ATP6V1B2: variants seen among roughly 807,000 people sequenced by gnomAD.
ATP6V1B2 encodes the protein V-type proton ATPase subunit B, brain isoform.
In ATP6V1B2, 23 loss-of-function variants were observed where a neutral mutation model predicts 66.7. That is an observed-to-expected ratio of 0.34 (90% CI 0.25 to 0.49). The LOEUF is 0.49. Ranked by LOEUF, ATP6V1B2 falls within the 20% of genes least tolerant of loss-of-function variation. The pLI is 0.99. For synonymous variants in ATP6V1B2, 278 were observed against 236.7 expected, an observed-to-expected ratio of 1.17 and a Z score of -1.60; for missense variants, 478 against 650.8, an observed-to-expected ratio of 0.73 and a Z score of 2.89.
intron 2 of ATP6V1B2, among the ~76,000 whole-genome samples, chr8:20,205,525 A>C (rs2072730013): frequency 6.6e-6 from 1 of 152,188 alleles, no homozygotes; most frequent in South Asian, 2.1e-4. Flanking sequence ...AGACCTAAAA[A>C]AGTTTCATTG....
rs762072381 is a variant in ATP6V1B2, at chr8:20,197,538, C to T, written c.132C>T (p.Arg44=). 2 of 1,413,384 alleles carry T rather than the reference C, an allele frequency of 1.4e-6. 1 individual carries two copies. The highest frequency in any genetic ancestry group is 3.2e-5 in the South Asian group (2 of 61,956). The allele number at this position is 1,413,384 out of a possible 1,614,324, so 87.6% of individuals were successfully genotyped here. ...GTCGGAACTACCTCTCCCAGCCTCG[C>T]CTCAGTGAGTATCAGAGAGTAATAC... is the stretch of plus-strand genomic sequence containing the variant. The part of the protein sequence containing the change: ...AVSRNYLSQP[R]LTYKTVSGVN... The change falls in exon 1 of 14, where the codon CGC becomes CGT. Residue 44 remains arginine, a synonymous_variant. Transcript: ENST00000276390.
At chr8:20,210,756 A>T (rs2072785525) in intron 5 of ATP6V1B2, 110 bp downstream of exon 5, 1 of 731,300 alleles carries the variant, frequency 1.4e-6, no homozygotes, top group Non-Finnish European at 2.3e-6. Context: ...GTAGATAGGC[A>T]ACACGCTCCA....
At position 20,216,663 on chromosome 8, in the gene ATP6V1B2, G is replaced by GCA. The variant is rs1276054734; in HGVS notation, c.1161+169_1161+170dup. ...TCTATTATCTTAAATTCTGGTGTCG[G>GCA]CAGAGCGCCAGAATTAAGAATCTTC... On this transcript the variant is annotated intron_variant, in intron 11 of 13. Transcript: ENST00000276390. 3 of 548,920 alleles carry GCA rather than the reference G, an allele frequency of 5.5e-6. No homozygotes were observed. The African/African-American group carries it at 5.8e-5, about 11-fold the overall frequency. The allele number at this position is 548,920 out of a possible 1,614,324, so 34.0% of individuals were successfully genotyped here.
At chr8:20,205,804 A>G (rs1357459972) in intron 2 of ATP6V1B2, among the ~76,000 whole-genome samples, 1 of 152,340 alleles carries the variant, frequency 6.6e-6, no homozygotes, top group East Asian at 1.9e-4. Context: ...AGTATTAGAA[A>G]AGAAAAATAG....
chr8:20,200,666 C>T (rs1164657635), intron 1 of ATP6V1B2, among the ~76,000 whole-genome samples: 3 of 152,140 alleles, frequency 2.0e-5, no homozygotes, highest in Non-Finnish European at 4.4e-5. Flanking sequence ...ATACATAGAG[C>T]TTTCGGGTGC....
intron 2 of ATP6V1B2, among the ~76,000 whole-genome samples, chr8:20,208,797 T>A (rs995222484): frequency 6.6e-6 from 1 of 151,310 alleles, no homozygotes; most frequent in Non-Finnish European, 1.5e-5. Context: ...AACCTCCGTC[T>A]CCCCGGCTCA....
intron 1 of ATP6V1B2, chr8:20,204,188 C>T: frequency 2.4e-6 from 1 of 409,378 alleles, no homozygotes; most frequent in East Asian, 5.3e-5. Context: ...TCGCATAAGA[C>T]TGAACTTTTG....
chr8:20,204,429 A>G, intron 1 of ATP6V1B2, 55 bp from the exon 2 acceptor site: 2 of 1,493,718 alleles, frequency 1.3e-6, no homozygotes, highest in South Asian at 1.1e-5. Context: ...CCAGAGAGCT[A>G]ATTTAAGCTT....
chr8:20,212,445 A>C (rs1290591746), intron 8 of ATP6V1B2, among the ~76,000 whole-genome samples: 1 of 152,206 alleles, frequency 6.6e-6, no homozygotes, highest in Non-Finnish European at 1.5e-5. Flanking sequence ...AAATGAGATC[A>C]TACTTATAAA....
intron 13 of ATP6V1B2, among the ~76,000 whole-genome samples, chr8:20,220,044 T>G (rs1356489289): frequency 6.6e-6 from 1 of 152,094 alleles, no homozygotes; most frequent in Non-Finnish European, 1.5e-5. Context: ...GACTGCTCCC[T>G]GTCTCAGCCC....
At chr8:20,209,819 ATCTG>A (rs1315693855) in intron 3 of ATP6V1B2, among the ~76,000 whole-genome samples, 2 of 152,158 alleles carry the variant, frequency 1.3e-5, no homozygotes, top group Non-Finnish European at 2.9e-5. Context: ...CCAACAGGAT[ATCTG>A]TCTGAGTTTC....
intron 8 of ATP6V1B2, among the ~76,000 whole-genome samples, chr8:20,212,474 A>G (rs975120330): frequency 1.3e-5 from 2 of 151,798 alleles, no homozygotes; most frequent in Admixed American, 6.6e-5. Context: ...TACACAATCA[A>G]CTCTCTGTAA....
chr8:20,206,113 A>G (rs1331419992), intron 2 of ATP6V1B2, among the ~76,000 whole-genome samples: 4 of 152,254 alleles, frequency 2.6e-5, no homozygotes, highest in Non-Finnish European at 4.4e-5. Context: ...TCAAGTACTT[A>G]GAAGATTCTA....
At position 20,212,764 on chromosome 8, in the gene ATP6V1B2, C is replaced by T; in HGVS notation, c.804-18C>T. 1 of 1,611,616 alleles carries T rather than the reference C, an allele frequency of 6.2e-7. No homozygotes were observed. The highest frequency in any genetic ancestry group is 8.5e-7 in the Non-Finnish European group (1 of 1,179,136). ...GTCTTTTGGTTTGAGTGGCCTAAGA[C>T]TTAATGTTCCCTTTCAGCATTGAGC... On this transcript the variant is annotated intron_variant, in intron 8 of 13. Coordinates refer to ENST00000276390, the MANE Select transcript of ATP6V1B2 (RefSeq NM_001693.4).
intron 10 of ATP6V1B2, 70 bp from the exon 11 acceptor site, chr8:20,216,343 G>A: frequency 7.0e-7 from 1 of 1,424,086 alleles, no homozygotes; most frequent in Non-Finnish European, 9.9e-7. Context: ...GTTTGGTTCT[G>A]AGAGATGGCC....
At position 20,206,283 on chromosome 8, in the gene ATP6V1B2, G is replaced by C. The variant is rs115700652; in HGVS notation, c.192+1744G>C. Among the ~76,000 whole-genome samples, 405 of 152,254 alleles carry C rather than the reference G, an allele frequency of 2.7e-3. 3 individuals are homozygous for C. Among genetic ancestry groups the C allele is most frequent in the African/African-American group, 9.1e-3 (379 of 41,548 alleles). On this transcript the variant is annotated intron_variant, in intron 2 of 13. Transcript: ENST00000276390. ...ATTGGATGCCCTGCAATTTAGCTCA[G>C]TTCTGGCACTCACTGCAAAGAGTTG...
chr8:20,217,552 A>G (rs2072868335), intron 12 of ATP6V1B2, among the ~76,000 whole-genome samples: 1 of 152,208 alleles, frequency 6.6e-6, no homozygotes, highest in African/African-American at 2.4e-5. Flanking sequence ...AATGCTATCA[A>G]GTTTCCAAAT....
intron 13 of ATP6V1B2, among the ~76,000 whole-genome samples, chr8:20,219,419 G>T (rs890869016): frequency 6.6e-6 from 1 of 152,088 alleles, no homozygotes; most frequent in Non-Finnish European, 1.5e-5. Context: ...TGGTTTTTAT[G>T]ACATAGCATA....
chr8:20,218,232 T>A lies in ATP6V1B2; in HGVS notation c.1346T>A (p.Leu449His). 6.2e-7 allele frequency: 1 copy of A among 1,613,426 alleles called. No homozygotes were observed. Among genetic ancestry groups the A allele is most frequent in the Non-Finnish European group, 8.5e-7 (1 of 1,179,508 alleles). The change falls in exon 13 of 14, where the codon CTT becomes CAT. Residue 449 changes from leucine (L) to histidine (H), a missense_variant. Physicochemically the swap from Leu to His is moderately conservative, Grantham distance 99 (BLOSUM62 -3). Coordinates refer to ENST00000276390, the MANE Select transcript of ATP6V1B2 (RefSeq NM_001693.4). ...VGEEALTSDD[L>H]LYLEFLQKFE... ...GAAGAAGCCCTTACCTCAGATGATC[T>A]TCTCTACTTGGAATTTCTGCAGAAG...
Sources: gnomAD v4.1 joint callset for allele counts (sites outside exome capture counted in the v4.1 genomes callset) on GRCh38, gnomAD v4.1.1 for gene constraint, MANE v1.5 for transcripts, NCBI Gene and HGNC (gene_info 2026-07-23, HGNC 2026-07-21) for gene names.